PTPRM: variants seen among roughly 807,000 people sequenced by gnomAD.
PTPRM encodes protein tyrosine phosphatase receptor type M, also known as receptor-type tyrosine-protein phosphatase mu.
A neutral mutation model predicts 186.7 loss-of-function variants in PTPRM; 47 were observed. The ratio of observed to expected loss-of-function variants is 0.25; its 90% CI spans 0.20 to 0.32. The LOEUF is 0.32. Among genes scored for constraint, PTPRM ranks in the 10% least tolerant of loss-of-function variants. The probability of loss-of-function intolerance (pLI) is 1.00; values close to 1 mark genes in which losing one functional copy is unlikely to be tolerated. For missense variants in PTPRM, 1,494 were observed against 1,865.0 expected, an observed-to-expected ratio of 0.80 and a Z score of 3.66; for synonymous variants, 668 against 674.9, an observed-to-expected ratio of 0.99 and a Z score of 0.16.
Position 8,230,391 on chromosome 18 carries a change from G to C in PTPRM, c.2301-13667G>C, listed in dbSNP as rs548706679. Among the ~76,000 whole-genome samples, 4 of 152,312 alleles carry C rather than the reference G, an allele frequency of 2.6e-5. No homozygotes were observed. In the South Asian group the frequency reaches 8.3e-4, roughly 32 times the overall value. On this transcript the variant is annotated intron_variant, in intron 14 of 32. Coordinates refer to ENST00000580170, the MANE Select transcript of PTPRM (RefSeq NM_001105244.2). ...CTCAGTCAACAGCTATAAAGTCCAAGCTGGGAACTTTATGGACAGTGTCCA... is the reference window on the plus strand; with the variant it reads ...CTCAGTCAACAGCTATAAAGTCCAACCTGGGAACTTTATGGACAGTGTCCA...
intron 1 of PTPRM, among the ~76,000 whole-genome samples, chr18:7,769,747 C>T (rs1035382478): frequency 4.6e-5 from 7 of 152,136 alleles, no homozygotes; most frequent in Non-Finnish European, 8.8e-5. Context: ...TCATCAATTA[C>T]CTGGGTATTT....
intron 1 of PTPRM, among the ~76,000 whole-genome samples, chr18:7,609,255 T>A (rs928653653): frequency 3.9e-5 from 6 of 152,214 alleles, no homozygotes; most frequent in Non-Finnish European, 8.8e-5. Context: ...ATCCTCCTGG[T>A]CTGTCTTTGC....
rs531173951 is a variant in PTPRM, at chr18:7,910,018, C to T, written c.547+3435C>T. ...TTACAATAGCTTCCTAATGTTGCCT[C>T]CTGTTCTTAAATACATTATGAGCTG... On this transcript the variant is annotated intron_variant, in intron 4 of 32. Transcript: ENST00000580170. 3.5e-4 allele frequency among the ~76,000 whole-genome samples: 54 copies of T among 152,236 alleles called. 3 individuals are homozygous for T. In the South Asian group the frequency reaches 0.011, roughly 32 times the overall value.
intron 6 of PTPRM, among the ~76,000 whole-genome samples, chr18:7,951,494 T>G (rs1297871398): frequency 1.3e-5 from 2 of 152,194 alleles, no homozygotes; most frequent in Non-Finnish European, 2.9e-5. Flanking sequence ...AAATTTCTAG[T>G]CTACCTGAAC....
chr18:8,262,788 AAC>A (rs2147513162), intron 19 of PTPRM, among the ~76,000 whole-genome samples: 1 of 152,098 alleles, frequency 6.6e-6, no homozygotes, highest in East Asian at 1.9e-4. Flanking sequence ...GTATTTGACA[AAC>A]AATACTGAAT....
At chr18:7,726,777 T>A (rs1422799080) in intron 1 of PTPRM, among the ~76,000 whole-genome samples, 2 of 152,222 alleles carry the variant, frequency 1.3e-5, no homozygotes, top group Non-Finnish European at 2.9e-5. Flanking sequence ...ATCAGTTCCT[T>A]TGAACTTGAT....
At chr18:8,200,651 T>G (rs1292289478) in intron 14 of PTPRM, among the ~76,000 whole-genome samples, 3 of 152,266 alleles carry the variant, frequency 2.0e-5, no homozygotes, top group African/African-American at 7.2e-5. Flanking sequence ...TTATACATCA[T>G]GCAAGTTGTA....
rs142255841 is a variant in PTPRM, at chr18:7,746,390, C to T, written c.74-27759C>T. On this transcript the variant is annotated intron_variant, in intron 1 of 32. Coordinates refer to ENST00000580170, the MANE Select transcript of PTPRM (RefSeq NM_001105244.2). Reference sequence around the variant, plus strand: ...CAATGTAGAATTCTATATCTAATGACGATATCCTTCAAAAACATGAATATA... The same window carrying T: ...CAATGTAGAATTCTATATCTAATGATGATATCCTTCAAAAACATGAATATA... Among the ~76,000 whole-genome samples the T allele has an allele frequency of 3.0e-3, 454 of 152,174 alleles. 3 individuals carry two copies. Among genetic ancestry groups the T allele is most frequent in the Non-Finnish European group, 2.8e-3 (190 of 68,006 alleles).
intron 7 of PTPRM, among the ~76,000 whole-genome samples, chr18:8,000,171 T>C (rs965103416): frequency 6.6e-6 from 1 of 152,138 alleles, no homozygotes; most frequent in Non-Finnish European, 1.5e-5. Flanking sequence ...AGAAACACCC[T>C]CACCAGAAAC....
At chr18:8,391,552 T>A (rs1230487100) in intron 31 of PTPRM, among the ~76,000 whole-genome samples, 1 of 152,354 alleles carries the variant, frequency 6.6e-6, no homozygotes, top group Admixed American at 6.5e-5. Context: ...CAATTGATGA[T>A]GCTAGGCTTA....
At chr18:7,797,048 A>G (rs2043697282) in intron 2 of PTPRM, among the ~76,000 whole-genome samples, 3 of 152,208 alleles carry the variant, frequency 2.0e-5, no homozygotes, top group Non-Finnish European at 4.4e-5. Context: ...CCACGTGTCC[A>G]TGACAGACTC....
At chr18:7,717,000 T>C (rs1437613230) in intron 1 of PTPRM, among the ~76,000 whole-genome samples, 1 of 152,194 alleles carries the variant, frequency 6.6e-6, no homozygotes, top group Non-Finnish European at 1.5e-5. Flanking sequence ...ATCATTCTAC[T>C]ATAAAGACAC....
intron 4 of PTPRM, among the ~76,000 whole-genome samples, chr18:7,922,135 T>G (rs1399804296): frequency 6.6e-6 from 1 of 152,202 alleles, no homozygotes; most frequent in East Asian, 1.9e-4. Context: ...TTGCCTCAGT[T>G]ATGGTAAACA....
chr18:8,279,221 T>G (rs888940496), intron 19 of PTPRM, among the ~76,000 whole-genome samples: 4 of 152,144 alleles, frequency 2.6e-5, no homozygotes, highest in Non-Finnish European at 5.9e-5. Context: ...AGAATAATGA[T>G]GTAATAATGA....
Position 7,888,216 on chromosome 18 carries a change from G to T in PTPRM, c.307G>T (p.Val103Leu), listed in dbSNP as rs1168167155. Residue 103 changes from valine to leucine, a missense_variant, in exon 3 of 33, where the codon GTG (valine) becomes TTG (leucine). Physicochemically the swap from Val to Leu is conservative, Grantham distance 32. Coordinates refer to ENST00000580170, the MANE Select transcript of PTPRM (RefSeq NM_001105244.2). Reference protein sequence around the residue: ...DTHCIDFHYFVSSKSNSPPGL... With the variant: ...DTHCIDFHYFLSSKSNSPPGL... ...CCACTGCATCGATTTTCACTATTTT[G>T]TGTCCAGCAAGAGTAATTCTCCTCC... 1 of 1,614,050 alleles carries T rather than the reference G, an allele frequency of 6.2e-7. No homozygotes were observed. Among genetic ancestry groups the T allele is most frequent in the East Asian group, 2.2e-5 (1 of 44,874 alleles).
chr18:7,986,533 C>T (rs2082974308), intron 7 of PTPRM, among the ~76,000 whole-genome samples: 1 of 152,314 alleles, frequency 6.6e-6, no homozygotes, highest in East Asian at 1.9e-4. Flanking sequence ...GAGAACAGTA[C>T]ATGCACATCC....
At chr18:7,625,735 A>T (rs148648245) in intron 1 of PTPRM, among the ~76,000 whole-genome samples, 1 of 146,504 alleles carries the variant, frequency 6.8e-6, no homozygotes, top group South Asian at 2.3e-4. Context: ...GGGTTTTGCC[A>T]TGTTGGCCAG....
chr18:8,252,039 AT>A (rs528476781), intron 17 of PTPRM, among the ~76,000 whole-genome samples: 70 of 152,320 alleles, frequency 4.6e-4, no homozygotes, highest in African/African-American at 1.7e-3. Flanking sequence ...TGCATAAGAC[AT>A]TTTTAATAGG....
At chr18:7,834,893 G>A (rs2145767125) in intron 2 of PTPRM, among the ~76,000 whole-genome samples, 1 of 150,590 alleles carries the variant, frequency 6.6e-6, no homozygotes, top group Non-Finnish European at 1.5e-5. Context: ...CCAATTTATT[G>A]GCATATAGTT....
Sources: allele counts gnomAD v4.1 joint callset (sites outside exome capture counted in the v4.1 genomes callset), GRCh38; gene constraint gnomAD v4.1.1; transcripts MANE v1.5; gene names NCBI Gene and HGNC (gene_info 2026-07-23, HGNC 2026-07-21).